ASCC2: variants seen among roughly 807,000 people sequenced by gnomAD.
ASCC2 encodes activating signal cointegrator 1 complex subunit 2.
ASCC2 carries 42 observed loss-of-function variants against 93.5 expected under a neutral mutation model. The ratio of observed to expected loss-of-function variants is 0.45; its 90% CI spans 0.35 to 0.58. ASCC2 has a LOEUF of 0.58. Ranked by LOEUF, ASCC2 falls within the 20% of genes least tolerant of loss-of-function variation. ASCC2 has a pLI of 0.00. For missense variants in ASCC2, 859 were observed against 977.6 expected (o/e 0.88, Z 1.62); for synonymous variants, 364 against 384.2 (o/e 0.95, Z 0.62).
chr22:29,800,251 T>A (rs2058926744), intron 15 of ASCC2, among the ~76,000 whole-genome samples: 1 of 152,204 alleles, frequency 6.6e-6, no homozygotes, highest in Non-Finnish European at 1.5e-5. Flanking sequence ...CTCGGTCCCA[T>A]GTCATGTTCT....
chr22:29,838,035 C>A (rs1347756151), intron 1 of ASCC2, 143 bp downstream of exon 1: 2 of 380,084 alleles, frequency 5.3e-6, no homozygotes, highest in Admixed American at 3.3e-5. Flanking sequence ...TCTCGAGAGG[C>A]GGCTCACAAC....
At position 29,802,187 on chromosome 22, in the gene ASCC2, C is replaced by G. The variant is rs1030026027; in HGVS notation, c.1375G>C (p.Val459Leu). ...EEECMGAAAA[V>L]GPAMCGVELD... ...TCCACCCCACACATGGCAGGGCCCA[C>G]AGCCGCGGCTGCTCCCATGCACTGT... Residue 459 changes from valine (V) to leucine (L), a missense_variant, in exon 14 of 20, where the codon GTG (valine) becomes CTG (leucine). Transcript: ENST00000307790. The G allele has an allele frequency of 1.2e-6, 2 of 1,614,036 alleles. No homozygotes were observed. The highest frequency in any genetic ancestry group is 2.7e-5 in the African/African-American group (2 of 74,938).
In ASCC2 at chr22:29,808,659, CA is replaced by C. The variant is rs1423378311; in HGVS notation, c.834-475del. ...ACAGGCTGGTGAAACTCCATCTCTA[CA>C]AAAAATACAAAAATTAGCCAGGCAT... On this transcript the variant is annotated intron_variant, in intron 8 of 19. Transcript: ENST00000307790. Among the ~76,000 whole-genome samples, 4 of 151,726 alleles carry C rather than the reference CA, an allele frequency of 2.6e-5. 1 individual carries two copies. Among genetic ancestry groups the C allele is most frequent in the Non-Finnish European group, 5.9e-5 (4 of 67,940 alleles).
chr22:29,822,541 C>A, intron 4 of ASCC2, 77 bp from the exon 5 acceptor site: 2 of 1,533,536 alleles, frequency 1.3e-6, no homozygotes, highest in Non-Finnish European at 1.8e-6. Context: ...TCATGAGAAA[C>A]GATCTTTGGT....
At chr22:29,824,606 C>G (rs576902161) in intron 4 of ASCC2, among the ~76,000 whole-genome samples, 1 of 152,078 alleles carries the variant, frequency 6.6e-6, no homozygotes, top group South Asian at 2.1e-4. Context: ...CAGAGTGACA[C>G]CCTGTCTCAA....
Position 29,802,197 on chromosome 22 carries a change from T to A in ASCC2, c.1365A>T (p.Ala455=). The change falls in exon 14 of 20, where the codon GCA becomes GCT. Residue 455 remains alanine, a synonymous_variant. Transcript: ENST00000307790. ...ENSEEEECMG[A]AAAVGPAMCG... is the part of the protein sequence containing the mutation. Reference sequence around the variant, plus strand: ...ACATGGCAGGGCCCACAGCCGCGGCTGCTCCCATGCACTGTAGTGAGAGCC... The same window carrying A: ...ACATGGCAGGGCCCACAGCCGCGGCAGCTCCCATGCACTGTAGTGAGAGCC... The A allele has an allele frequency of 6.2e-7, 1 of 1,614,058 alleles. No individual in the cohort carries two copies. The highest frequency in any genetic ancestry group is 8.5e-7 in the Non-Finnish European group (1 of 1,180,040).
intron 1 of ASCC2, among the ~76,000 whole-genome samples, chr22:29,836,878 G>A (rs2063862612): frequency 6.6e-6 from 1 of 152,178 alleles, no homozygotes; most frequent in Non-Finnish European, 1.5e-5. Flanking sequence ...CACCTATTAT[G>A]TGGCAGGCAC....
At chr22:29,818,508 C>CT (rs1355266112) in intron 5 of ASCC2, among the ~76,000 whole-genome samples, 2 of 149,832 alleles carry the variant, frequency 1.3e-5, no homozygotes, top group Non-Finnish European at 1.5e-5. Flanking sequence ...CTGGTCCTGA[C>CT]TTCTTTTGTG....
At chr22:29,808,534 CAGTT>C (rs2059936548) in intron 8 of ASCC2, among the ~76,000 whole-genome samples, 1 of 152,144 alleles carries the variant, frequency 6.6e-6, no homozygotes, top group Admixed American at 6.5e-5. Flanking sequence ...CAAAAACTGT[CAGTT>C]AGCCAGGCAC....
At chr22:29,816,812 A>G (rs565332260) in intron 5 of ASCC2, 7 of 128,152 alleles carry the variant, frequency 5.5e-5, no homozygotes, top group East Asian at 2.7e-4. Context: ...AGAGAGGGAG[A>G]GAGGGAGGGA....
chr22:29,800,813 C>A (rs555147163), intron 15 of ASCC2, among the ~76,000 whole-genome samples, 178 bp downstream of exon 15: 3 of 152,272 alleles, frequency 2.0e-5, no homozygotes, highest in Admixed American at 2.0e-4. Flanking sequence ...GAACCTGAAG[C>A]CTGATCAGTA....
Position 29,832,450 on chromosome 22 carries a change from C to T in ASCC2, c.-17-108G>A, listed in dbSNP as rs182126638. The T allele has an allele frequency of 1.1e-4, 89 of 827,400 alleles. No homozygotes were observed. In the East Asian group the frequency reaches 2.2e-3, roughly 21 times the overall value. 51.3% of individuals were successfully genotyped at this position (827,400 alleles called of 1,614,324 possible). A position where few individuals can be genotyped will look rare whatever the true frequency, so the allele number is the denominator to read the frequency against. On this transcript the variant is annotated intron_variant, in intron 1 of 19. Transcript: ENST00000307790. ...CAGAAGAGAAGCTTCAACCTCTCGC[C>T]TTAGGAGGCTCCTGTTGTGGTTCAG...
At chr22:29,828,744 A>G (rs1568955466) in intron 2 of ASCC2, among the ~76,000 whole-genome samples, 1 of 152,200 alleles carries the variant, frequency 6.6e-6, no homozygotes, top group Non-Finnish European at 1.5e-5. Context: ...GGATGGGGAA[A>G]GGGTGGGAGG....
chr22:29,809,526 T>C (rs2060058292), intron 8 of ASCC2, among the ~76,000 whole-genome samples: 1 of 152,086 alleles, frequency 6.6e-6, no homozygotes, highest in Non-Finnish European at 1.5e-5. Context: ...ATGCCTGTAA[T>C]CCCAGCACTG....
intron 4 of ASCC2, 80 bp from the exon 5 acceptor site, chr22:29,822,544 T>C: frequency 6.5e-7 from 1 of 1,532,902 alleles, no homozygotes; most frequent in Non-Finnish European, 8.9e-7. Context: ...TGAGAAACGA[T>C]CTTTGGTTCC....
intron 15 of ASCC2, among the ~76,000 whole-genome samples, chr22:29,798,352 G>A (rs2058684220): frequency 6.6e-6 from 1 of 152,114 alleles, no homozygotes; most frequent in Non-Finnish European, 1.5e-5. Flanking sequence ...TTCTGGGAAA[G>A]GTATCCTAGG....
chr22:29,792,315 C>A, intron 18 of ASCC2, 118 bp downstream of exon 18: 1 of 1,523,100 alleles, frequency 6.6e-7, no homozygotes. Flanking sequence ...CTCCTCCTGT[C>A]CCTGCCAGTG....
chr22:29,806,865 C>A lies in ASCC2; in HGVS notation c.948G>T (p.Arg316Ser). The A allele has an allele frequency of 6.2e-7, 1 of 1,614,016 alleles. No homozygotes were observed. Among genetic ancestry groups the A allele is most frequent in the Non-Finnish European group, 8.5e-7 (1 of 1,179,950 alleles). Residue 316 changes from arginine to serine, a missense_variant, in exon 10 of 20, where the codon AGG becomes AGT. Physicochemically the swap from Arg to Ser is moderately radical, Grantham distance 110 (BLOSUM62 -1). Transcript: ENST00000307790. The part of the protein sequence containing the change: ...GDLWQRLSHS[R>S]KKLMEIFHII... Reference sequence around the variant, plus strand: ...TGTGGAAAATCTCCATTAGCTTCTTCCTGGAATGGGAGAGCCTCTGCCACA... The same window carrying A: ...TGTGGAAAATCTCCATTAGCTTCTTACTGGAATGGGAGAGCCTCTGCCACA...
chr22:29,795,165 G>C (rs144550099), intron 15 of ASCC2, among the ~76,000 whole-genome samples: 91 of 152,080 alleles, frequency 6.0e-4, no homozygotes, highest in Non-Finnish European at 1.1e-3. Flanking sequence ...GGTCTCAAGT[G>C]ATCTGCTTGC....
Sources: gnomAD v4.1 joint callset for allele counts (sites outside exome capture counted in the v4.1 genomes callset) on GRCh38, gnomAD v4.1.1 for gene constraint, MANE v1.5 for transcripts, NCBI Gene and HGNC (gene_info 2026-07-23, HGNC 2026-07-21) for gene names.